Variants in NTRK2 observed in about 807,000 individuals in gnomAD.
NTRK2 encodes the protein neurotrophic receptor tyrosine kinase 2.
Under a neutral mutation model 94.5 loss-of-function variants are expected in NTRK2, and 13 were observed. The observed-to-expected ratio is 0.14, with a 90% confidence interval of 0.09 to 0.22. The LOEUF (loss-of-function observed/expected upper bound fraction) is 0.22. Ranked by LOEUF, NTRK2 falls within the 10% of genes least tolerant of loss-of-function variation. NTRK2 has a pLI of 1.00. For missense variants in NTRK2, 639 were observed against 1,071.2 expected, an observed-to-expected ratio of 0.60 and a Z score of 5.63; for synonymous variants, 372 against 407.4, an observed-to-expected ratio of 0.91 and a Z score of 1.05.
At chr9:84,875,461 G>A (rs1253440972) in intron 14 of NTRK2, 15 of 1,062,406 alleles carry the variant, frequency 1.4e-5, no homozygotes, top group Non-Finnish European at 1.7e-5. Flanking sequence ...CTCATTTAGG[G>A]TCATCACTCC....
At chr9:84,759,035 T>G (rs192492819) in intron 12 of NTRK2, among the ~76,000 whole-genome samples, 1 of 152,314 alleles carries the variant, frequency 6.6e-6, no homozygotes, top group Non-Finnish European at 1.5e-5. Context: ...AAAGTCTATC[T>G]CAGCACTCTC....
intron 9 of NTRK2, among the ~76,000 whole-genome samples, chr9:84,728,711 T>C (rs1181638142): frequency 6.6e-6 from 1 of 152,130 alleles, no homozygotes; most frequent in African/African-American, 2.4e-5. Context: ...GCTGTTTTCC[T>C]AGGAGTGGTA....
At chr9:85,008,024 G>A (rs1389874633) in intron 17 of NTRK2, among the ~76,000 whole-genome samples, 1 of 152,132 alleles carries the variant, frequency 6.6e-6, no homozygotes, top group East Asian at 1.9e-4. Flanking sequence ...GAACGGGAAT[G>A]TCTTTGAAGA....
At chr9:84,907,495 C>A (rs1443439) in intron 14 of NTRK2, among the ~76,000 whole-genome samples, 7,945 of 152,214 alleles carry the variant, frequency 0.052, 314 homozygotes, top group African/African-American at 0.11. Flanking sequence ...TCATTTACTT[C>A]TTTTTCAAAA....
chr9:84,954,365 C>T (rs1205615481), intron 16 of NTRK2, among the ~76,000 whole-genome samples: 2 of 152,224 alleles, frequency 1.3e-5, no homozygotes, highest in Non-Finnish European at 2.9e-5. Flanking sequence ...CGGATCCTCC[C>T]ACCCTTGCAG....
At chr9:84,721,543 A>C (rs1193331824) in intron 6 of NTRK2, among the ~76,000 whole-genome samples, 1 of 152,116 alleles carries the variant, frequency 6.6e-6, no homozygotes, top group African/African-American at 2.4e-5. Context: ...GTGAAGACAG[A>C]GTATGTTGAA....
chr9:84,875,912 G>T, intron 14 of NTRK2: 1 of 1,037,174 alleles, frequency 9.6e-7, no homozygotes. Context: ...ATAAAAATGA[G>T]TTCAAATGAA....
At chr9:84,746,857 C>A (rs1343604170) in intron 11 of NTRK2, among the ~76,000 whole-genome samples, 1 of 152,148 alleles carries the variant, frequency 6.6e-6, no homozygotes, top group Admixed American at 6.5e-5. Flanking sequence ...TCTGGAATGA[C>A]CCCATTTATT....
chr9:84,963,467 A>G (rs1177041262), intron 17 of NTRK2, among the ~76,000 whole-genome samples: 2 of 152,252 alleles, frequency 1.3e-5, no homozygotes, highest in Non-Finnish European at 2.9e-5. Context: ...GAAGTGATAC[A>G]AAATAATTGC....
Position 84,674,399 on chromosome 9 carries a change from G to A in NTRK2, c.212+3439G>A, listed in dbSNP as rs937348830. Reference sequence around the variant, plus strand: ...TTATTGTTGGCCTGGTTAAGCAGCTGTAATGTTGTGTCATTAATACATTGA... The same window carrying A: ...TTATTGTTGGCCTGGTTAAGCAGCTATAATGTTGTGTCATTAATACATTGA... On this transcript the variant is annotated intron_variant, in intron 2 of 18. Transcript: ENST00000277120. Among the ~76,000 whole-genome samples, 9 of 152,276 alleles carry A rather than the reference G, an allele frequency of 5.9e-5. No homozygotes were observed. In the South Asian group the frequency reaches 1.9e-3, roughly 32 times the overall value.
intron 9 of NTRK2, among the ~76,000 whole-genome samples, chr9:84,731,019 C>T (rs1001332935): frequency 1.3e-5 from 2 of 151,736 alleles, no homozygotes; most frequent in African/African-American, 4.8e-5. Context: ...TTGGAAGTTT[C>T]CCGGCTTACA....
intron 12 of NTRK2, among the ~76,000 whole-genome samples, chr9:84,833,223 T>C (rs11140779): frequency 0.16 from 23,969 of 152,050 alleles, 2,021 homozygotes; most frequent in Middle Eastern, 0.17. Flanking sequence ...CTTCTCAGCT[T>C]GGGCTGCACA....
At chr9:84,826,545 A>G (rs1007007235) in intron 12 of NTRK2, among the ~76,000 whole-genome samples, 1 of 152,196 alleles carries the variant, frequency 6.6e-6, no homozygotes, top group Non-Finnish European at 1.5e-5. Flanking sequence ...CCTGGAGAAC[A>G]GAGTTGAACT....
chr9:85,002,245 G>C (rs1326866336), intron 17 of NTRK2, among the ~76,000 whole-genome samples: 1 of 152,184 alleles, frequency 6.6e-6, no homozygotes, highest in Non-Finnish European at 1.5e-5. Flanking sequence ...AAGCAAGCCT[G>C]TTGACAATTT....
At position 84,993,306 on chromosome 9, in the gene NTRK2, C is replaced by T. The variant is rs1209165642; in HGVS notation, c.2173-26900C>T. 3.3e-5 allele frequency among the ~76,000 whole-genome samples: 5 copies of T among 152,186 alleles called. No individual in the cohort carries two copies. The East Asian group carries it at 9.6e-4, about 29-fold the overall frequency. On this transcript the variant is annotated intron_variant, in intron 17 of 18. Transcript: ENST00000277120. Reference sequence around the variant, plus strand: ...GTCATTCTCACTTGCTCAGGTTTCACTTTGGAGACTGCAGAGCTCCCTTTA... The same window carrying T: ...GTCATTCTCACTTGCTCAGGTTTCATTTTGGAGACTGCAGAGCTCCCTTTA...
intron 17 of NTRK2, among the ~76,000 whole-genome samples, chr9:84,965,901 A>T (rs921780085): frequency 1.2e-4 from 18 of 152,194 alleles, no homozygotes; most frequent in African/African-American, 4.3e-4. Flanking sequence ...CTATATGTCT[A>T]TGTATGAGAG....
intron 12 of NTRK2, chr9:84,812,028 C>A: frequency 9.5e-7 from 1 of 1,057,028 alleles, no homozygotes; most frequent in Non-Finnish European, 1.1e-6. Flanking sequence ...GACGCCATAG[C>A]TGGATTGGAA....
rs1588217426 is a variant in NTRK2 at position 85,025,408 on chromosome 9, T to C, written c.*3971T>C. 3 of 233,250 alleles carry C rather than the reference T, an allele frequency of 1.3e-5. No homozygotes were observed. The East Asian group carries it at 1.8e-4, about 14-fold the overall frequency. The allele number at this position is 233,250 out of a possible 1,614,324, so 14.4% of individuals were successfully genotyped here. ...ATAAATTGGAATGTTGGCAGCCCAGTGGCTTGAAGGCCAATGATGAGCAGT... is the reference window on the plus strand; with the variant it reads ...ATAAATTGGAATGTTGGCAGCCCAGCGGCTTGAAGGCCAATGATGAGCAGT... On this transcript the variant is annotated 3_prime_UTR_variant, in exon 19 of 19. Coordinates refer to ENST00000277120, the MANE Select transcript of NTRK2 (RefSeq NM_006180.6).
At chr9:84,995,395 G>GTTTT (rs1829627944) in intron 17 of NTRK2, among the ~76,000 whole-genome samples, 1 of 151,724 alleles carries the variant, frequency 6.6e-6, no homozygotes, top group East Asian at 1.9e-4. Flanking sequence ...TTGTTTGTTT[G>GTTTT]TTTTTTGGCA....
Sources: allele counts gnomAD v4.1 joint callset (sites outside exome capture counted in the v4.1 genomes callset), GRCh38; gene constraint gnomAD v4.1.1; transcripts MANE v1.5; gene names NCBI Gene and HGNC (gene_info 2026-07-23, HGNC 2026-07-21).